KIF27: variants seen among roughly 807,000 people sequenced by gnomAD.
KIF27 encodes the protein kinesin family member 27, also known as kinesin-like protein KIF27.
Under a neutral mutation model 141.8 loss-of-function variants are expected in KIF27, and 84 were observed. The observed-to-expected ratio is 0.59, with a 90% CI of 0.50 to 0.71. The LOEUF (loss-of-function observed/expected upper bound fraction) is 0.71. Among genes scored for constraint, KIF27 ranks in the 30% least tolerant of loss-of-function variants. The probability of loss-of-function intolerance (pLI) is 0.00; values close to 1 mark genes in which losing one functional copy is unlikely to be tolerated. For synonymous variants in KIF27, 471 were observed against 569.5 expected, an observed-to-expected ratio of 0.83 and a Z score of 2.46; for missense variants, 1,306 against 1,628.4, an observed-to-expected ratio of 0.80 and a Z score of 3.41.
intron 8 of KIF27, 98 bp downstream of exon 8, chr9:83,888,391 C>A (rs1952322830): frequency 4.0e-6 from 2 of 500,588 alleles, no homozygotes; most frequent in Admixed American, 4.1e-5. Flanking sequence ...AAATTCTGGT[C>A]TTTGAGAATT....
intron 9 of KIF27, among the ~76,000 whole-genome samples, chr9:83,885,705 C>T (rs192625764): frequency 1.2e-4 from 19 of 152,148 alleles, no homozygotes; most frequent in African/African-American, 4.6e-4. Context: ...AATCATGACT[C>T]ACTGCAGCCT....
chr9:83,848,256 TATATATG>T (rs1290634191), intron 16 of KIF27, among the ~76,000 whole-genome samples: 6 of 92,164 alleles, frequency 6.5e-5, no homozygotes, highest in Non-Finnish European at 1.3e-4. Flanking sequence ...TCAGATATGA[TATATATG>T]ATATATCAGA....
Position 83,835,805 on chromosome 9 carries a change from C to A in KIF27, c.*1196G>T, listed in dbSNP as rs557405938. ...AGGATGGTTTTGCTACAGCCCCCAA[C>A]AAAACATTAATTAGTTTAAGAAACT... is the stretch of plus-strand genomic sequence containing the variant. On this transcript the variant is annotated 3_prime_UTR_variant, in exon 18 of 18. Coordinates refer to ENST00000297814, the MANE Select transcript of KIF27 (RefSeq NM_017576.4). 1.3e-5 allele frequency: 2 copies of A among 152,266 alleles called. No homozygotes were observed. The highest frequency in any genetic ancestry group is 4.8e-5 in the African/African-American group (2 of 41,550). 9.4% of individuals were successfully genotyped at this position (152,266 alleles called of 1,614,324 possible).
chr9:83,861,134 A>G (rs1454757903), intron 13 of KIF27, among the ~76,000 whole-genome samples: 5 of 151,496 alleles, frequency 3.3e-5, no homozygotes, highest in Non-Finnish European at 5.9e-5. Context: ...CTTCACAGTG[A>G]TATCTTTTGG....
At chr9:83,849,181 A>G (rs1948235554) in intron 16 of KIF27, among the ~76,000 whole-genome samples, 2 of 152,198 alleles carry the variant, frequency 1.3e-5, no homozygotes, top group Admixed American at 1.3e-4. Flanking sequence ...CACTTTAAAA[A>G]ATATTAAAAT....
intron 16 of KIF27, among the ~76,000 whole-genome samples, chr9:83,845,258 C>T (rs1395663410): frequency 6.6e-6 from 1 of 152,178 alleles, no homozygotes; most frequent in East Asian, 1.9e-4. Flanking sequence ...GGAAACTGAA[C>T]GTTTGACTAT....
intron 5 of KIF27, among the ~76,000 whole-genome samples, chr9:83,892,844 G>A (rs1351649539): frequency 6.6e-6 from 1 of 152,144 alleles, no homozygotes; most frequent in Non-Finnish European, 1.5e-5. Context: ...CACCAGGATG[G>A]TATAACAATT....
At chr9:83,851,339 G>C (rs1318366082) in intron 15 of KIF27, among the ~76,000 whole-genome samples, 1 of 152,120 alleles carries the variant, frequency 6.6e-6, no homozygotes, top group Non-Finnish European at 1.5e-5. Flanking sequence ...GTGACAGTTT[G>C]GGTGTTTTGT....
chr9:83,911,281 A>G (rs1955134923), intron 2 of KIF27, among the ~76,000 whole-genome samples: 1 of 152,070 alleles, frequency 6.6e-6, no homozygotes, highest in South Asian at 2.1e-4. Context: ...GTTGCCCAGG[A>G]GTGCAGTGGT....
In KIF27 at chr9:83,867,668, G is replaced by A; in HGVS notation, c.2934+16C>T. ...TGGTTTACAACCAGAATCAAGTAGT[G>A]TATTAAACAGAATACCTGACTAGAT... On this transcript the variant is annotated intron_variant, in intron 13 of 17. Coordinates refer to ENST00000297814, the MANE Select transcript of KIF27 (RefSeq NM_017576.4). The A allele has an allele frequency of 2.5e-6, 4 of 1,594,758 alleles. No homozygotes were observed. Among genetic ancestry groups the A allele is most frequent in the Non-Finnish European group, 3.4e-6 (4 of 1,173,810 alleles).
At chr9:83,851,345 T>TTTGTTG (rs550666233) in intron 15 of KIF27, among the ~76,000 whole-genome samples, 1 of 151,992 alleles carries the variant, frequency 6.6e-6, no homozygotes, top group African/African-American at 2.4e-5. Flanking sequence ...GTTTGGGTGT[T>TTTGTTG]TTGTTGTTGT....
In KIF27 at chr9:83,915,311, A is replaced by G. The variant is rs760689665; in HGVS notation, c.281T>C (p.Ile94Thr). ...AATCTTACCAATATGGCCCCCTCCA[A>G]TGGTGTATGTCTTCCCAGATCCAGT... is the stretch of plus-strand genomic sequence containing the variant. ...GQTGSGKTYT[I>T]GGGHIASVVE... Residue 94 changes from isoleucine (I) to threonine (T), a missense_variant, in exon 2 of 18, where the codon ATT becomes ACT. By Grantham distance (89) the Ile-to-Thr change is moderately conservative. Around this residue, in one of 4 missense-constraint regions of KIF27, gnomAD observed 533 missense variants for 565.6 expected, o/e 0.94. Transcript: ENST00000297814. 1.9e-6 allele frequency: 3 copies of G among 1,607,290 alleles called. No homozygotes were observed. The highest frequency in any genetic ancestry group is 3.4e-5 in the Admixed American group (2 of 58,780).
intron 13 of KIF27, among the ~76,000 whole-genome samples, chr9:83,866,053 G>GT (rs1285504755): frequency 2.0e-5 from 3 of 151,798 alleles, no homozygotes; most frequent in Admixed American, 6.6e-5. Context: ...CCTACCTGGA[G>GT]TTTTTTTGAC....
At chr9:83,907,663 A>G (rs1389152392) in intron 3 of KIF27, among the ~76,000 whole-genome samples, 1 of 152,164 alleles carries the variant, frequency 6.6e-6, no homozygotes. Context: ...TGTCAATATC[A>G]AAAAACAAAA....
At chr9:83,905,623 C>T (rs1383988557) in intron 3 of KIF27, among the ~76,000 whole-genome samples, 2 of 152,088 alleles carry the variant, frequency 1.3e-5, no homozygotes, top group African/African-American at 2.4e-5. Flanking sequence ...ATTTAAAGTC[C>T]TGTAAGTCAT....
chr9:83,905,496 C>G (rs1425532603), intron 3 of KIF27, among the ~76,000 whole-genome samples: 1 of 152,192 alleles, frequency 6.6e-6, no homozygotes, highest in Non-Finnish European at 1.5e-5. Flanking sequence ...ATTTCATGCT[C>G]AAATTATATT....
Position 83,915,552 on chromosome 9 carries a change from G to A in KIF27, c.40C>T (p.Pro14Ser), listed in dbSNP as rs746054884. The change falls in exon 2 of 18, where the codon CCT becomes TCT. Residue 14 changes from proline to serine, a missense_variant. Around this residue, in one of 4 missense-constraint regions of KIF27, gnomAD observed 533 missense variants for 565.6 expected, o/e 0.94. Coordinates refer to ENST00000297814, the MANE Select transcript of KIF27 (RefSeq NM_017576.4). ...IPVKVAVRIR[P>S]LLCKEALHNH... ...TGAAGAGCTTCTTTGCAAAGCAGAG[G>A]TCTAATTCTTACAGCAACTTTTACT... 3 of 1,610,150 alleles carry A rather than the reference G, an allele frequency of 1.9e-6. No homozygotes were observed. The highest frequency in any genetic ancestry group is 2.5e-6 in the Non-Finnish European group (3 of 1,178,862).
intron 11 of KIF27, among the ~76,000 whole-genome samples, chr9:83,879,045 G>C (rs1346956175): frequency 6.6e-6 from 1 of 150,800 alleles, no homozygotes; most frequent in Non-Finnish European, 1.5e-5. Context: ...GGGCGTGGTG[G>C]TGCACGCCTG....
chr9:83,840,354 C>T (rs887286499), intron 17 of KIF27, among the ~76,000 whole-genome samples: 15 of 151,982 alleles, frequency 9.9e-5, no homozygotes, highest in Non-Finnish European at 1.5e-5. Context: ...GTATCTCCAA[C>T]GTTATTATCA....
Sources: allele counts gnomAD v4.1 joint callset (sites outside exome capture counted in the v4.1 genomes callset), GRCh38; gene constraint gnomAD v4.1.1; regional missense constraint gnomAD v4.1.1; transcripts MANE v1.5; gene names NCBI Gene and HGNC (gene_info 2026-07-23, HGNC 2026-07-21).